The following SHANK2 variants were observed in gnomAD, a reference collection of about 807,000 sequenced individuals.
SHANK2 encodes the protein SH3 and multiple ankyrin repeat domains 2.
A neutral mutation model predicts 133.7 loss-of-function variants in SHANK2; 43 were observed. The ratio of observed to expected loss-of-function variants is 0.32; its 90% CI spans 0.25 to 0.41. The LOEUF is 0.41. Among genes scored for constraint, SHANK2 ranks in the 10% least tolerant of loss-of-function variants. SHANK2 has a pLI of 1.00. For missense variants in SHANK2, 1,994 were observed against 2,235.8 expected (o/e 0.89, Z 2.18); for synonymous variants, 1,017 against 952.8 (o/e 1.07, Z -1.24).
At chr11:71,085,112 C>T (rs1160580309) in intron 8 of SHANK2, among the ~76,000 whole-genome samples, 1 of 152,108 alleles carries the variant, frequency 6.6e-6, no homozygotes, top group East Asian at 1.9e-4. Context: ...TTAAATGTTC[C>T]TCTTCCAGGA....
chr11:70,706,300 G>A (rs894590856), intron 14 of SHANK2, among the ~76,000 whole-genome samples: 8 of 152,170 alleles, frequency 5.3e-5, no homozygotes, highest in Non-Finnish European at 7.3e-5. Context: ...GGTGCATAGC[G>A]GGCACTCAGT....
chr11:70,569,925 G>C lies in SHANK2; in HGVS notation c.2062-66994C>G, dbSNP rs1166126157. Among the ~76,000 whole-genome samples, 1 of 144,928 alleles carries C rather than the reference G, an allele frequency of 6.9e-6. No individual in the cohort carries two copies. The highest frequency in any genetic ancestry group is 1.5e-5 in the Non-Finnish European group (1 of 64,530). On this transcript the variant is annotated intron_variant, in intron 17 of 25. Coordinates refer to ENST00000601538, the MANE Select transcript of SHANK2 (RefSeq NM_012309.5). The surrounding 1 kb of genome is among the most constrained non-coding windows in gnomAD (Gnocchi z 5.1). ...CAAGACAGAGACACTCACCGAGACA[G>C]AGACACAGAGACATAGAGAGAGAGA...
At position 70,532,720 on chromosome 11, in the gene SHANK2, A is replaced by G. The variant is rs567854895; in HGVS notation, c.2062-29789T>C. 8.5e-5 allele frequency among the ~76,000 whole-genome samples: 13 copies of G among 152,316 alleles called. No homozygotes were observed. In the South Asian group the frequency reaches 1.7e-3, roughly 19 times the overall value. ...GTTTGAAGGTTCCTCAAAGAGTTAAACACAGAATTACCCAATGACCCAGCA... is the reference window on the plus strand; with the variant it reads ...GTTTGAAGGTTCCTCAAAGAGTTAAGCACAGAATTACCCAATGACCCAGCA... On this transcript the variant is annotated intron_variant, in intron 17 of 25. Transcript: ENST00000601538.
intron 11 of SHANK2, among the ~76,000 whole-genome samples, chr11:70,825,784 T>G (rs1055527605): frequency 4.0e-5 from 6 of 151,866 alleles, no homozygotes; most frequent in African/African-American, 7.3e-5. Flanking sequence ...TGATTTTTTT[T>G]TGTGAAAAGG....
intron 9 of SHANK2, among the ~76,000 whole-genome samples, chr11:71,061,842 G>A (rs1248403587): frequency 1.3e-5 from 2 of 151,926 alleles, no homozygotes; most frequent in African/African-American, 2.4e-5. Context: ...TTCCAGTCCC[G>A]ACCTAGCCCT....
intron 1 of SHANK2, among the ~76,000 whole-genome samples, chr11:71,244,956 G>A (rs1008023656): frequency 1.3e-5 from 2 of 151,712 alleles, no homozygotes; most frequent in Non-Finnish European, 2.9e-5. Flanking sequence ...CACCCGTCTC[G>A]GCCTCCCAAA....
intron 17 of SHANK2, among the ~76,000 whole-genome samples, chr11:70,615,902 G>A (rs1319014619): frequency 6.6e-6 from 1 of 152,172 alleles, no homozygotes; most frequent in Non-Finnish European, 1.5e-5. Context: ...CTGTCTCTTT[G>A]TTGGTTAGTG....
At chr11:71,244,438 GCTC>G (rs1215969881) in intron 1 of SHANK2, among the ~76,000 whole-genome samples, 1 of 151,984 alleles carries the variant, frequency 6.6e-6, no homozygotes, top group Non-Finnish European at 1.5e-5. Context: ...CGGATCACAC[GCTC>G]CTCCCAGAGG....
At chr11:71,108,724 T>C (rs11827984) in intron 6 of SHANK2, among the ~76,000 whole-genome samples, 82,828 of 151,978 alleles carry the variant, frequency 0.55, 22,705 homozygotes, top group South Asian at 0.65. Flanking sequence ...TTTCCCCCTA[T>C]CCCCGGGGGC....
intron 17 of SHANK2, among the ~76,000 whole-genome samples, chr11:70,617,302 A>AGT (rs1273536445): frequency 2.9e-5 from 4 of 138,998 alleles, no homozygotes. Context: ...TGCCTGAGAG[A>AGT]GTATGTGTGT....
intron 11 of SHANK2, among the ~76,000 whole-genome samples, chr11:70,889,704 T>C (rs1420230318): frequency 6.6e-6 from 1 of 152,144 alleles, no homozygotes; most frequent in Non-Finnish European, 1.5e-5. Flanking sequence ...CCCCAAATCA[T>C]ACAGGCCGCT....
chr11:70,822,861 G>C (rs56087571), intron 11 of SHANK2, among the ~76,000 whole-genome samples: 5 of 68,622 alleles, frequency 7.3e-5, no homozygotes, highest in African/African-American at 6.1e-5. Context: ...GTTGGCAGAG[G>C]TCACGGGGGG....
At chr11:70,565,843 T>A (rs782529408) in intron 17 of SHANK2, among the ~76,000 whole-genome samples, 84 of 152,356 alleles carry the variant, frequency 5.5e-4, no homozygotes, top group African/African-American at 1.7e-3. Context: ...TATTATTATT[T>A]TTTTTAATTT....
At chr11:70,665,096 A>T (rs1006370410) in intron 15 of SHANK2, among the ~76,000 whole-genome samples, 1 of 152,144 alleles carries the variant, frequency 6.6e-6, no homozygotes, top group Non-Finnish European at 1.5e-5. Flanking sequence ...TGATCTCGAC[A>T]TCCAGGGCTA....
chr11:70,752,447 G>A (rs185832777), intron 14 of SHANK2, among the ~76,000 whole-genome samples: 76 of 152,250 alleles, frequency 5.0e-4, no homozygotes, highest in African/African-American at 1.3e-3. Context: ...GGCCGGGCGC[G>A]GTGGCTCACG....
chr11:71,226,075 T>A (rs1050682037), intron 1 of SHANK2, among the ~76,000 whole-genome samples: 18 of 152,098 alleles, frequency 1.2e-4, no homozygotes, highest in African/African-American at 4.3e-4. Context: ...TGAGCTGAGA[T>A]CATGCCATGC....
At chr11:70,667,431 G>T (rs1555015047) in intron 15 of SHANK2, among the ~76,000 whole-genome samples, 1 of 152,154 alleles carries the variant, frequency 6.6e-6, no homozygotes, top group Non-Finnish European at 1.5e-5. Context: ...CCCAGGGATG[G>T]CCACGCAGCA....
rs768148779 is a variant in SHANK2 at position 70,487,899 on chromosome 11, A to C, written c.2573-179T>G. On this transcript the variant is annotated intron_variant, in intron 24 of 25. Coordinates refer to ENST00000601538, the MANE Select transcript of SHANK2 (RefSeq NM_012309.5). This position sits in a 1 kb window ranked among gnomAD's most constrained non-coding sequence, Gnocchi z 5.8. ...TTAGTCACATGGCCCGTCGTGAGCC[A>C]AAGGACAAGAAAGGGAAGAACAGAA... Among the ~76,000 whole-genome samples, 57 of 152,216 alleles carry C rather than the reference A, an allele frequency of 3.7e-4. No individual in the cohort carries two copies. The highest frequency in any genetic ancestry group is 6.0e-4 in the Non-Finnish European group (41 of 68,038).
At chr11:71,092,307 C>A (rs1457937502) in intron 8 of SHANK2, 115 bp downstream of exon 8, 2 of 1,182,518 alleles carry the variant, frequency 1.7e-6, no homozygotes, top group African/African-American at 1.5e-5. Context: ...GCAGGCCAAA[C>A]AAAATACCTG....
Sources: gnomAD v4.1 joint callset for allele counts (sites outside exome capture counted in the v4.1 genomes callset) on GRCh38, gnomAD v4.1.1 for gene constraint, Gnocchi (gnomAD v3.1) non-coding constraint, MANE v1.5 for transcripts, NCBI Gene and HGNC (gene_info 2026-07-23, HGNC 2026-07-21) for gene names.